The following IFTAP variants were observed in gnomAD, a reference collection of about 807,000 sequenced individuals.
IFTAP encodes intraflagellar transport associated protein.
Under a neutral mutation model 19.4 loss-of-function variants are expected in IFTAP, and 19 were observed. The ratio of observed to expected loss-of-function variants is 0.98; its 90% CI spans 0.68 to 1.44. IFTAP has a LOEUF of 1.44. IFTAP is among the 40% of genes most tolerant of loss of function. The pLI, the probability that IFTAP is intolerant of heterozygous loss-of-function variation, is 0.00. For missense variants in IFTAP, 240 were observed against 253.6 expected (o/e 0.95, Z 0.36); for synonymous variants, 85 against 83.5 (o/e 1.02, Z -0.10).
chr11:36,599,829 G>GT (rs1565002037), intron 1 of IFTAP, among the ~76,000 whole-genome samples: 2 of 152,082 alleles, frequency 1.3e-5, no homozygotes, highest in African/African-American at 2.4e-5. Context: ...GTTGTATAAT[G>GT]ATTAAGATAC....
intron 5 of IFTAP, among the ~76,000 whole-genome samples, chr11:36,658,266 G>A (rs1324716008): frequency 6.6e-6 from 1 of 152,112 alleles, no homozygotes; most frequent in East Asian, 1.9e-4. Context: ...TTTGTTTTTG[G>A]AGAGGCTTTT....
At chr11:36,615,803 A>G (rs1243873700) in intron 2 of IFTAP, among the ~76,000 whole-genome samples, 15 of 151,010 alleles carry the variant, frequency 9.9e-5, no homozygotes, top group African/African-American at 3.2e-4. Context: ...TTATCAGCTT[A>G]AGGAGATTTT....
rs186155295 is a variant in IFTAP at position 36,629,287 on chromosome 11, T to A, written c.137-3997T>A. On this transcript the variant is annotated intron_variant, in intron 2 of 5. Transcript: ENST00000334307. ...ATAAGCATGATTGCTTATCCCCTAT[T>A]CTCTTTGCAGAAGGATTTTTGCAAT... is the stretch of plus-strand genomic sequence containing the variant. 1.1e-4 allele frequency among the ~76,000 whole-genome samples: 16 copies of A among 151,430 alleles called. No individual in the cohort carries two copies. In the East Asian group the frequency reaches 3.1e-3, roughly 29 times the overall value.
Position 36,659,233 on chromosome 11 carries a change from T to C in IFTAP, c.*47T>C. ...TGTGTGCTTATTTTAATTTTGTTCT[T>C]ATTCTAGCAACATTAGAATAAAAGA... On this transcript the variant is annotated 3_prime_UTR_variant, in exon 6 of 6. Coordinates refer to ENST00000334307, the MANE Select transcript of IFTAP (RefSeq NM_138787.4). The C allele has an allele frequency of 6.9e-7, 1 of 1,440,160 alleles. No homozygotes were observed. The highest frequency in any genetic ancestry group is 9.2e-7 in the Non-Finnish European group (1 of 1,083,782). 89.2% of individuals were successfully genotyped at this position (1,440,160 alleles called of 1,614,324 possible).
intron 1 of IFTAP, among the ~76,000 whole-genome samples, chr11:36,609,619 A>G (rs1233087671): frequency 6.6e-6 from 1 of 152,140 alleles, no homozygotes; most frequent in Non-Finnish European, 1.5e-5. Flanking sequence ...GCACTTCTCC[A>G]TACTGACTCT....
chr11:36,617,724 C>T (rs911748254), intron 2 of IFTAP, among the ~76,000 whole-genome samples: 2 of 151,948 alleles, frequency 1.3e-5, no homozygotes, highest in Non-Finnish European at 2.9e-5. Flanking sequence ...GTATTTGTCT[C>T]GAGTAACTTA....
intron 4 of IFTAP, among the ~76,000 whole-genome samples, chr11:36,645,988 A>C (rs1853465697): frequency 6.6e-6 from 1 of 152,178 alleles, no homozygotes; most frequent in African/African-American, 2.4e-5. Context: ...GCATTGGTGC[A>C]TTTCGCTTTT....
At chr11:36,624,818 G>A (rs1852447731) in intron 2 of IFTAP, among the ~76,000 whole-genome samples, 6 of 151,402 alleles carry the variant, frequency 4.0e-5, no homozygotes, top group Admixed American at 3.3e-4. Context: ...TAGAAGCCTG[G>A]GTCAGATGAC....
At chr11:36,655,723 T>C (rs1853954788) in intron 5 of IFTAP, among the ~76,000 whole-genome samples, 1 of 152,222 alleles carries the variant, frequency 6.6e-6, no homozygotes, top group Non-Finnish European at 1.5e-5. Flanking sequence ...CTTTAGTATC[T>C]CAGTATCTAA....
intron 2 of IFTAP, among the ~76,000 whole-genome samples, chr11:36,619,342 A>G (rs1852214605): frequency 6.6e-6 from 1 of 152,072 alleles, no homozygotes; most frequent in African/African-American, 2.4e-5. Context: ...TGGTCCCCAA[A>G]GCTATTTTGA....
chr11:36,633,452 A>G lies in IFTAP; in HGVS notation c.291+14A>G. The G allele has an allele frequency of 6.5e-7, 1 of 1,538,526 alleles. No individual in the cohort carries two copies. The highest frequency in any genetic ancestry group is 8.7e-7 in the Non-Finnish European group (1 of 1,145,332). On this transcript the variant is annotated intron_variant, in intron 3 of 5. Coordinates refer to ENST00000334307, the MANE Select transcript of IFTAP (RefSeq NM_138787.4). The stretch of plus-strand genomic sequence containing the variant: ...TTGGAAGAACAGGTAATACCAACAT[A>G]GTACATGTATAGAAACAATCTCAGA...
intron 5 of IFTAP, among the ~76,000 whole-genome samples, chr11:36,652,614 C>T (rs1275570284): frequency 6.6e-6 from 1 of 152,180 alleles, no homozygotes; most frequent in Non-Finnish European, 1.5e-5. Flanking sequence ...TGAAAGAGGG[C>T]ATCCCTATCT....
rs192953398 is a variant in IFTAP at position 36,620,283 on chromosome 11, A to G, written c.136+10044A>G. 3.5e-4 allele frequency among the ~76,000 whole-genome samples: 53 copies of G among 152,160 alleles called. 1 individual carries two copies. The East Asian group carries it at 9.5e-3, about 27-fold the overall frequency. Reference sequence around the variant, plus strand: ...AAAAAATATTGAATGAAGTGAACTAATTTATAGCAGAGTCCTGTGGAGGAA... The same window carrying G: ...AAAAAATATTGAATGAAGTGAACTAGTTTATAGCAGAGTCCTGTGGAGGAA... On this transcript the variant is annotated intron_variant, in intron 2 of 5. Coordinates refer to ENST00000334307, the MANE Select transcript of IFTAP (RefSeq NM_138787.4).
At chr11:36,610,784 A>C (rs946166403) in intron 2 of IFTAP, among the ~76,000 whole-genome samples, 1 of 152,020 alleles carries the variant, frequency 6.6e-6, no homozygotes, top group African/African-American at 2.4e-5. Context: ...ATAAGTACTT[A>C]CTGAATGTTA....
chr11:36,609,335 CAG>C (rs1565007323), intron 1 of IFTAP, among the ~76,000 whole-genome samples: 1 of 152,162 alleles, frequency 6.6e-6, no homozygotes, highest in African/African-American at 2.4e-5. Flanking sequence ...ATAAGAAAGA[CAG>C]AAATTTTTCA....
At chr11:36,614,381 G>A (rs1256774314) in intron 2 of IFTAP, among the ~76,000 whole-genome samples, 30 of 148,268 alleles carry the variant, frequency 2.0e-4, no homozygotes, top group Admixed American at 3.3e-4. Context: ...ATAAACATAC[G>A]TGTGCATGTG....
chr11:36,617,392 G>A (rs1417623402), intron 2 of IFTAP, among the ~76,000 whole-genome samples: 1 of 151,552 alleles, frequency 6.6e-6, no homozygotes, highest in African/African-American at 2.4e-5. Flanking sequence ...AGATTTCCAG[G>A]CTTTTGGCTT....
intron 1 of IFTAP, among the ~76,000 whole-genome samples, chr11:36,608,601 T>A (rs1198023104): frequency 6.6e-6 from 1 of 152,176 alleles, no homozygotes; most frequent in Non-Finnish European, 1.5e-5. Flanking sequence ...AAACTGTGCT[T>A]GGATTGAGGC....
rs1195139506 is a variant in IFTAP at position 36,659,064 on chromosome 11, G to T, written c.544G>T (p.Asp182Tyr). 6.2e-6 allele frequency: 10 copies of T among 1,607,552 alleles called. No homozygotes were observed. Among genetic ancestry groups the T allele is most frequent in the Non-Finnish European group, 8.5e-6 (10 of 1,176,926 alleles). Residue 182 changes from aspartate (D) to tyrosine (Y), a missense_variant, in exon 6 of 6, where the codon GAT becomes TAT. Coordinates refer to ENST00000334307, the MANE Select transcript of IFTAP (RefSeq NM_138787.4). ...VQLFSLDEEFDYDNVMLTSKF... is the reference protein window; with the variant it reads ...VQLFSLDEEFYYDNVMLTSKF... ...ACTTTTTTCACTTGATGAAGAATTT[G>T]ATTATGACAATGTGATGCTAACCTC...
Sources: allele counts gnomAD v4.1 joint callset (sites outside exome capture counted in the v4.1 genomes callset), GRCh38; gene constraint gnomAD v4.1.1; transcripts MANE v1.5; gene names NCBI Gene and HGNC (gene_info 2026-07-23, HGNC 2026-07-21).